The following SLIT1 variants were observed in gnomAD, a reference collection of about 807,000 sequenced individuals.
The protein encoded by SLIT1 is slit homolog 1 protein.
Under a neutral mutation model 186.1 loss-of-function variants are expected in SLIT1, and 66 were observed. The observed-to-expected ratio is 0.35, with a 90% CI of 0.29 to 0.44. The LOEUF (loss-of-function observed/expected upper bound fraction) is 0.44. SLIT1 is among the 20% of genes least tolerant of loss of function. SLIT1 has a pLI of 1.00. For synonymous variants in SLIT1, 761 were observed against 833.8 expected, an observed-to-expected ratio of 0.91 and a Z score of 1.50; for missense variants, 1,638 against 2,037.4, an observed-to-expected ratio of 0.80 and a Z score of 3.77.
intron 3 of SLIT1, among the ~76,000 whole-genome samples, chr10:97,160,149 C>G: frequency 6.6e-6 from 1 of 152,288 alleles, no homozygotes; most frequent in South Asian, 2.1e-4. Context: ...CCGCTGAGGC[C>G]ACAATGTCCT....
intron 1 of SLIT1, among the ~76,000 whole-genome samples, chr10:97,167,873 G>A (rs1427423240): frequency 6.6e-6 from 1 of 152,216 alleles, no homozygotes; most frequent in Non-Finnish European, 1.5e-5. Context: ...ATGTGAAGAA[G>A]GATGTGTTTG....
intron 4 of SLIT1, among the ~76,000 whole-genome samples, chr10:97,067,438 T>C (rs1394241449): frequency 6.6e-6 from 1 of 152,218 alleles, no homozygotes; most frequent in Non-Finnish European, 1.5e-5. Flanking sequence ...AGGCCAGCAC[T>C]GCCTGAGTAC....
chr10:97,171,173 TGA>T (rs1490142972), intron 1 of SLIT1, among the ~76,000 whole-genome samples: 8 of 152,136 alleles, frequency 5.3e-5, no homozygotes, highest in Admixed American at 6.5e-5. Flanking sequence ...GCTGCGGCGC[TGA>T]GAGTGTGCAG....
At chr10:97,056,976 G>A (rs1848842832) in intron 12 of SLIT1, among the ~76,000 whole-genome samples, 1 of 152,194 alleles carries the variant, frequency 6.6e-6, no homozygotes, top group Admixed American at 6.5e-5. Context: ...CGAGTCTCAG[G>A]AGCCTCTCTG....
chr10:97,141,761 CGTATTGTATCGTACT>C (rs1464059599), intron 4 of SLIT1, among the ~76,000 whole-genome samples: 1,576 of 148,852 alleles, frequency 0.011, 25 homozygotes, highest in African/African-American at 0.038. Flanking sequence ...CGTATCGTAT[CGTATTGTATCGTACT>C]GTATTGTATT....
chr10:97,058,004 GC>G, intron 11 of SLIT1: 1 of 717,438 alleles, frequency 1.4e-6, no homozygotes, highest in Non-Finnish European at 2.6e-6. Flanking sequence ...TTCAAACATG[GC>G]TTCAAGGTCA....
Position 97,043,824 on chromosome 10 carries a change from G to A in SLIT1, c.1854-311C>T, listed in dbSNP as rs61864170. Among the ~76,000 whole-genome samples, 5,758 of 152,206 alleles carry A rather than the reference G, an allele frequency of 0.038. 171 individuals carry two copies. Among genetic ancestry groups the A allele is most frequent in the Middle Eastern group, 0.14 (40 of 294 alleles). On this transcript the variant is annotated intron_variant, in intron 18 of 36. Transcript: ENST00000266058. This position sits in a 1 kb window ranked among gnomAD's most constrained non-coding sequence, Gnocchi z 7.0. ...GCCCAGAGTTCCTGCCCGTCTTTAGGCCATGCTCCACATCAGTGCCCAGGA... is the reference window on the plus strand; with the variant it reads ...GCCCAGAGTTCCTGCCCGTCTTTAGACCATGCTCCACATCAGTGCCCAGGA...
chr10:97,124,574 C>A (rs1849588111), intron 4 of SLIT1, among the ~76,000 whole-genome samples: 1 of 152,206 alleles, frequency 6.6e-6, no homozygotes. Flanking sequence ...CAGGGGGAGA[C>A]AAGACTTAGA....
intron 1 of SLIT1, among the ~76,000 whole-genome samples, chr10:97,177,124 C>T (rs1264954020): frequency 6.6e-6 from 1 of 152,168 alleles, no homozygotes; most frequent in African/African-American, 2.4e-5. Context: ...TTATTCCCAC[C>T]AAAGTTTCTG....
chr10:97,066,540 G>C (rs910949865), intron 4 of SLIT1, among the ~76,000 whole-genome samples: 1 of 152,092 alleles, frequency 6.6e-6, no homozygotes, highest in Admixed American at 6.5e-5. Context: ...CTGACTTCTC[G>C]ATGGCATGTG....
chr10:97,163,017 G>A (rs909078812), intron 3 of SLIT1, among the ~76,000 whole-genome samples: 2 of 152,174 alleles, frequency 1.3e-5, no homozygotes, highest in Non-Finnish European at 2.9e-5. Flanking sequence ...CCGTTGGCAC[G>A]GCTTCCTTTA....
At chr10:97,101,657 G>C (rs1849355288) in intron 4 of SLIT1, among the ~76,000 whole-genome samples, 1 of 152,206 alleles carries the variant, frequency 6.6e-6, no homozygotes, top group Non-Finnish European at 1.5e-5. Flanking sequence ...TCTGATAGCT[G>C]TGCCAGGGAG....
At chr10:97,009,779 C>T (rs901298150) in intron 31 of SLIT1, among the ~76,000 whole-genome samples, 2 of 152,120 alleles carry the variant, frequency 1.3e-5, no homozygotes, top group African/African-American at 4.8e-5. Flanking sequence ...TACAACTCAA[C>T]AACAAAAAGA....
chr10:97,072,817 C>A (rs1048820750), intron 4 of SLIT1, among the ~76,000 whole-genome samples: 9 of 152,200 alleles, frequency 5.9e-5, no homozygotes, highest in Non-Finnish European at 1.2e-4. Flanking sequence ...TATTGACCAA[C>A]CATGGACCTC....
At chr10:97,064,488 C>T (rs1056475800) in intron 6 of SLIT1, among the ~76,000 whole-genome samples, 2 of 152,056 alleles carry the variant, frequency 1.3e-5, no homozygotes, top group Admixed American at 6.5e-5. Flanking sequence ...TGGAGCAGGG[C>T]GGGTGATGGG....
chr10:97,021,495 C>G lies in SLIT1; in HGVS notation c.2583-82G>C. On this transcript the variant is annotated intron_variant, in intron 25 of 36. Coordinates refer to ENST00000266058, the MANE Select transcript of SLIT1 (RefSeq NM_003061.3). The surrounding 1 kb of genome is among the most constrained non-coding windows in gnomAD (Gnocchi z 4.5). ...TGGGAACCTAGAGTCCCAGGCACTG[C>G]ACCAGGGGCTGGCAAAAATCTTAGC... 7.5e-7 allele frequency: 1 copy of G among 1,335,844 alleles called. No homozygotes were observed. Among genetic ancestry groups the G allele is most frequent in the Non-Finnish European group, 1.0e-6 (1 of 976,496 alleles). 82.7% of individuals were successfully genotyped at this position (1,335,844 alleles called of 1,614,324 possible). A position where few individuals can be genotyped will look rare whatever the true frequency, so the allele number is the denominator to read the frequency against.
At chr10:97,176,584 C>A (rs11594085) in intron 1 of SLIT1, among the ~76,000 whole-genome samples, 1 of 152,104 alleles carries the variant, frequency 6.6e-6, no homozygotes, top group African/African-American at 2.4e-5. Context: ...TCCTGCCTTC[C>A]GCTTCTCCCA....
rs1209149845 is a variant in SLIT1 at position 97,102,426 on chromosome 10, A to AC, written c.414-36341_414-36340insG. On this transcript the variant is annotated intron_variant, in intron 4 of 36. Transcript: ENST00000266058. Reference sequence around the variant, plus strand: ...ACAGAATGAGTAAGACTCCGTCAAAAAAAAAAAAAAAAGAAAGAAAGAAAG... The same window carrying AC: ...ACAGAATGAGTAAGACTCCGTCAAAACAAAAAAAAAAAAGAAAGAAAGAAAG... 21 of 128,890 alleles carry AC rather than the reference A, an allele frequency of 1.6e-4. No individual in the cohort carries two copies. The Admixed American group carries it at 1.7e-3, about 10-fold the overall frequency. The allele number at this position is 128,890 out of a possible 1,614,324, so 8.0% of individuals were successfully genotyped here. A position where few individuals can be genotyped will look rare whatever the true frequency, so the allele number is the denominator to read the frequency against.
Position 97,006,503 on chromosome 10 carries a change from G to A in SLIT1, c.3559C>T (p.Arg1187Trp), listed in dbSNP as rs546232285. ...CGCACCTGCAACGTGATGTTGGCCC[G>A]TGGCCAGTTTTGCAGGTCAGTGAAC... is the stretch of plus-strand genomic sequence containing the variant. ...LQFTDLQNWP[R>W]ANITLQVSTA... Residue 1187 changes from arginine (R) to tryptophan (W), a missense_variant, in exon 32 of 37, where the codon CGG becomes TGG. Transcript: ENST00000266058. This position sits in a 1 kb window ranked among gnomAD's most constrained non-coding sequence, Gnocchi z 4.0. 2.5e-6 allele frequency: 4 copies of A among 1,613,742 alleles called. No individual in the cohort carries two copies. Among genetic ancestry groups the A allele is most frequent in the Non-Finnish European group, 3.4e-6 (4 of 1,179,642 alleles).
Sources: allele counts gnomAD v4.1 joint callset (sites outside exome capture counted in the v4.1 genomes callset), GRCh38; gene constraint gnomAD v4.1.1; non-coding constraint Gnocchi (gnomAD v3.1); transcripts MANE v1.5; gene names NCBI Gene and HGNC (gene_info 2026-07-23, HGNC 2026-07-21).